The following AGBL1 variants were observed in gnomAD, a reference collection of about 807,000 sequenced individuals.
The protein encoded by AGBL1 is AGBL carboxypeptidase 1, also known as cytosolic carboxypeptidase 4.
In AGBL1, 130 loss-of-function variants were observed where a neutral mutation model predicts 118.9. That is an observed-to-expected ratio of 1.09 (90% CI 0.95 to 1.26). The LOEUF (loss-of-function observed/expected upper bound fraction) is 1.26. AGBL1 is among the 50% of genes most tolerant of loss of function. The pLI, the probability that AGBL1 is intolerant of heterozygous loss-of-function variation, is 0.00. For missense variants in AGBL1, 1,584 were observed against 1,298.1 expected (o/e 1.22, Z -3.38); for synonymous variants, 555 against 478.9 (o/e 1.16, Z -2.08).
At chr15:87,010,263 C>T (rs1263924646) in intron 24 of AGBL1, among the ~76,000 whole-genome samples, 4 of 152,236 alleles carry the variant, frequency 2.6e-5, no homozygotes, top group Admixed American at 2.6e-4. Flanking sequence ...TAAGGAGTTT[C>T]CCTGCACAAA....
chr15:86,663,337 C>T (rs567181877), intron 21 of AGBL1, among the ~76,000 whole-genome samples: 2 of 152,284 alleles, frequency 1.3e-5, no homozygotes, highest in East Asian at 3.9e-4. Flanking sequence ...ATGTATGTAA[C>T]CATGGGGAGA....
At chr15:86,815,147 G>A (rs937948034) in intron 22 of AGBL1, among the ~76,000 whole-genome samples, 7 of 152,080 alleles carry the variant, frequency 4.6e-5, no homozygotes, top group African/African-American at 1.7e-4. Flanking sequence ...AATTGACTGA[G>A]GAACTGGCTT....
intron 18 of AGBL1, among the ~76,000 whole-genome samples, chr15:86,509,885 C>T (rs1286964838): frequency 6.6e-6 from 1 of 151,408 alleles, no homozygotes; most frequent in Non-Finnish European, 1.5e-5. Flanking sequence ...CTGAGCCAAC[C>T]AAAACTACGG....
intron 17 of AGBL1, among the ~76,000 whole-genome samples, chr15:86,353,406 G>T (rs912765431): frequency 6.6e-6 from 1 of 152,164 alleles, no homozygotes; most frequent in African/African-American, 2.4e-5. Flanking sequence ...CTAATGGGCT[G>T]CCACTGAGGT....
intron 21 of AGBL1, among the ~76,000 whole-genome samples, chr15:86,670,784 ATT>A (rs1295324621): frequency 1.3e-5 from 2 of 151,614 alleles, no homozygotes; most frequent in Non-Finnish European, 2.9e-5. Context: ...ACATTTCCTT[ATT>A]TTTTTCTCTT....
chr15:86,227,383 T>A (rs1478523779), intron 6 of AGBL1, among the ~76,000 whole-genome samples: 2 of 152,258 alleles, frequency 1.3e-5, no homozygotes, highest in Non-Finnish European at 2.9e-5. Flanking sequence ...TAACACTAAA[T>A]ACTCAGCCTT....
At chr15:86,888,786 A>G (rs958350270) in intron 22 of AGBL1, among the ~76,000 whole-genome samples, 25 of 152,190 alleles carry the variant, frequency 1.6e-4, no homozygotes, top group Admixed American at 9.2e-4. Context: ...TTCATGAGCC[A>G]TTATGAGTCA....
rs1567110646 is a variant in AGBL1 at position 86,664,932 on chromosome 15, T to C, written c.2995-9341T>C. ...GGAAAGAATGAGTGGCAAAAGCAAT[T>C]AGGTAATTTGCGGATTTTAAAAAAA... On this transcript the variant is annotated intron_variant, in intron 21 of 22. Transcript: ENST00000614907. Among the ~76,000 whole-genome samples the C allele has an allele frequency of 2.0e-5, 3 of 152,168 alleles. No homozygotes were observed. In the East Asian group the frequency reaches 5.8e-4, roughly 29 times the overall value.
chr15:86,476,994 T>G (rs887110824), intron 18 of AGBL1, among the ~76,000 whole-genome samples: 3 of 152,062 alleles, frequency 2.0e-5, no homozygotes, highest in African/African-American at 4.8e-5. Flanking sequence ...GGTTACATAA[T>G]GAAATGAAGG....
chr15:86,448,895 C>A (rs771897353), intron 18 of AGBL1, among the ~76,000 whole-genome samples: 5 of 152,030 alleles, frequency 3.3e-5, no homozygotes, highest in Non-Finnish European at 5.9e-5. Flanking sequence ...ATAATTCTTT[C>A]AGTTTCAAAT....
chr15:86,831,130 C>T (rs1040373647), intron 22 of AGBL1, among the ~76,000 whole-genome samples: 11 of 152,208 alleles, frequency 7.2e-5, no homozygotes, highest in African/African-American at 2.2e-4. Flanking sequence ...ATGAGAACAG[C>T]ATGGGAAAAA....
intron 3 of AGBL1, among the ~76,000 whole-genome samples, chr15:86,152,819 G>T (rs1288484124): frequency 1.3e-5 from 2 of 151,422 alleles, no homozygotes; most frequent in East Asian, 2.0e-4. Context: ...ATTTACAAGA[G>T]AAAAACAACC....
At chr15:86,898,850 G>A (rs138738107) in intron 22 of AGBL1, among the ~76,000 whole-genome samples, 7 of 152,062 alleles carry the variant, frequency 4.6e-5, no homozygotes, top group South Asian at 4.2e-4. Flanking sequence ...ATACCATCTC[G>A]CACCAGACAG....
chr15:86,084,524 A>C (rs1388584217), intron 1 of AGBL1, among the ~76,000 whole-genome samples: 1 of 152,226 alleles, frequency 6.6e-6, no homozygotes, highest in Non-Finnish European at 1.5e-5. Flanking sequence ...GAGATAAGAG[A>C]TGTGAGGCAG....
intron 24 of AGBL1, among the ~76,000 whole-genome samples, chr15:87,010,062 G>A (rs150219701): frequency 0.013 from 2,037 of 152,198 alleles, 42 homozygotes; most frequent in African/African-American, 0.046. Flanking sequence ...GTTTTGAAAT[G>A]TGAGGACATG....
intron 21 of AGBL1, among the ~76,000 whole-genome samples, chr15:86,636,047 A>G (rs2142451831): frequency 1.3e-5 from 2 of 152,232 alleles, no homozygotes; most frequent in Middle Eastern, 6.8e-3. Flanking sequence ...AACTAAATAG[A>G]TCCCTAAATC....
intron 23 of AGBL1, among the ~76,000 whole-genome samples, chr15:86,965,860 A>T (rs946636687): frequency 1.3e-5 from 2 of 151,988 alleles, no homozygotes; most frequent in Admixed American, 6.6e-5. Flanking sequence ...TCAGGGGTTG[A>T]GGGCCTAGGG....
intron 17 of AGBL1, among the ~76,000 whole-genome samples, chr15:86,391,524 C>T (rs2081284845): frequency 6.6e-6 from 1 of 151,812 alleles, no homozygotes; most frequent in South Asian, 2.1e-4. Flanking sequence ...TGCATGATTC[C>T]ACCTTGAAAT....
chr15:86,799,336 A>G (rs1456371129), intron 22 of AGBL1, among the ~76,000 whole-genome samples: 1 of 152,094 alleles, frequency 6.6e-6, no homozygotes, highest in Non-Finnish European at 1.5e-5. Context: ...TTTCTCTAAC[A>G]TTAAATAAAT....
Sources: allele counts gnomAD v4.1 joint callset (sites outside exome capture counted in the v4.1 genomes callset), GRCh38; gene constraint gnomAD v4.1.1; transcripts MANE v1.5; gene names NCBI Gene and HGNC (gene_info 2026-07-23, HGNC 2026-07-21).